Variants in NRCAM observed in about 807,000 individuals in gnomAD.
The protein encoded by NRCAM is neuronal cell adhesion molecule.
A neutral mutation model predicts 156.5 loss-of-function variants in NRCAM; 83 were observed. The ratio of observed to expected loss-of-function variants is 0.53; its 90% confidence interval spans 0.44 to 0.64. NRCAM has a LOEUF of 0.64. Ranked by LOEUF, NRCAM falls within the 30% of genes least tolerant of loss-of-function variation. NRCAM has a pLI of 0.00. For synonymous variants in NRCAM, 538 were observed against 563.9 expected (o/e 0.95, Z 0.65); for missense variants, 1,417 against 1,597.3 (o/e 0.89, Z 1.92).
At chr7:108,337,335 CTA>C (rs1213071788) in intron 2 of NRCAM, among the ~76,000 whole-genome samples, 1 of 151,934 alleles carries the variant, frequency 6.6e-6, no homozygotes, top group African/African-American at 2.4e-5. Flanking sequence ...TGTTTTCACT[CTA>C]TTAAATCTTG....
At chr7:108,231,868 C>T (rs778541541) in intron 7 of NRCAM, among the ~76,000 whole-genome samples, 14 of 152,052 alleles carry the variant, frequency 9.2e-5, no homozygotes, top group Admixed American at 2.6e-4. Context: ...GATTTTGGTA[C>T]TAACCATTGC....
intron 3 of NRCAM, among the ~76,000 whole-genome samples, chr7:108,274,971 C>T (rs1368609692): frequency 3.3e-5 from 5 of 152,058 alleles, no homozygotes; most frequent in African/African-American, 1.2e-4. Context: ...TTGTTGAAGG[C>T]CTTTTCTGTA....
intron 32 of NRCAM, chr7:108,159,236 A>G (rs1483101822): frequency 1.4e-6 from 1 of 693,020 alleles, no homozygotes; most frequent in African/African-American, 1.8e-5. Context: ...AAAGTGGGAG[A>G]CATTCCATCT....
intron 3 of NRCAM, among the ~76,000 whole-genome samples, chr7:108,278,092 T>C (rs1289037106): frequency 6.6e-6 from 1 of 152,242 alleles, no homozygotes; most frequent in Admixed American, 6.5e-5. Flanking sequence ...TATTGCTGCC[T>C]GATCCTTCCT....
At chr7:108,364,557 A>G (rs2099580092) in intron 2 of NRCAM, among the ~76,000 whole-genome samples, 2 of 152,188 alleles carry the variant, frequency 1.3e-5, no homozygotes, top group Admixed American at 1.3e-4. Context: ...CTGTCCATTC[A>G]TGTTCATAGT....
chr7:108,173,673 C>T (rs2059400933), intron 28 of NRCAM, among the ~76,000 whole-genome samples: 2 of 152,134 alleles, frequency 1.3e-5, no homozygotes, highest in South Asian at 4.2e-4. Context: ...CTTTTTTCCC[C>T]CTTATTTAAA....
chr7:108,296,125 G>A (rs1304643510), intron 3 of NRCAM, among the ~76,000 whole-genome samples: 8 of 152,200 alleles, frequency 5.3e-5, no homozygotes, highest in Non-Finnish European at 4.4e-5. Flanking sequence ...ACAGTCTTAA[G>A]AAGGATGGAG....
intron 1 of NRCAM, among the ~76,000 whole-genome samples, chr7:108,426,308 A>T (rs1412708455): frequency 6.6e-6 from 1 of 152,254 alleles, no homozygotes; most frequent in African/African-American, 2.4e-5. Flanking sequence ...GGACAATAAA[A>T]CATACCTTCT....
intron 28 of NRCAM, among the ~76,000 whole-genome samples, chr7:108,174,382 C>T (rs774312543): frequency 6.6e-6 from 1 of 152,180 alleles, no homozygotes; most frequent in Non-Finnish European, 1.5e-5. Context: ...TAACATAGGG[C>T]AAAGCACATT....
chr7:108,386,546 C>G (rs2099741426), intron 2 of NRCAM, among the ~76,000 whole-genome samples: 1 of 152,058 alleles, frequency 6.6e-6, no homozygotes, highest in South Asian at 2.1e-4. Flanking sequence ...TTACATTGGG[C>G]ACAAATAAGT....
At chr7:108,411,393 T>C (rs1183923307) in intron 1 of NRCAM, among the ~76,000 whole-genome samples, 3 of 152,066 alleles carry the variant, frequency 2.0e-5, no homozygotes, top group Non-Finnish European at 2.9e-5. Context: ...TATCATTAGG[T>C]TGGGATTTTT....
At chr7:108,230,460 C>G (rs2094172620) in intron 8 of NRCAM, among the ~76,000 whole-genome samples, 1 of 152,136 alleles carries the variant, frequency 6.6e-6, no homozygotes, top group Non-Finnish European at 1.5e-5. Context: ...TAAAGTCACT[C>G]CTTCAACATT....
chr7:108,358,549 A>T (rs191173326), intron 2 of NRCAM, among the ~76,000 whole-genome samples: 1 of 152,038 alleles, frequency 6.6e-6, no homozygotes, highest in Admixed American at 6.5e-5. Flanking sequence ...ATGTCAGGTG[A>T]TGTCTAATGC....
At chr7:108,168,434 A>AC in intron 28 of NRCAM, 32 bp from the exon 29 acceptor site, 1 of 1,562,760 alleles carries the variant, frequency 6.4e-7, no homozygotes, top group Non-Finnish European at 8.6e-7. Context: ...AAAACAAACA[A>AC]TCATATTGCA....
At chr7:108,311,772 A>G (rs2098806971) in intron 3 of NRCAM, among the ~76,000 whole-genome samples, 1 of 152,214 alleles carries the variant, frequency 6.6e-6, no homozygotes, top group South Asian at 2.1e-4. Flanking sequence ...GATCAGCCTA[A>G]GAATTCTCAG....
chr7:108,319,363 G>A (rs2098972632), intron 2 of NRCAM, among the ~76,000 whole-genome samples: 1 of 152,196 alleles, frequency 6.6e-6, no homozygotes, highest in Non-Finnish European at 1.5e-5. Context: ...TCTGGGCACT[G>A]AGGATGCAGT....
At chr7:108,154,321 G>T (rs1343167188) in intron 32 of NRCAM, among the ~76,000 whole-genome samples, 4 of 152,128 alleles carry the variant, frequency 2.6e-5, no homozygotes, top group Non-Finnish European at 5.9e-5. Flanking sequence ...ACTAGAATAA[G>T]TTTTAAAGTC....
intron 26 of NRCAM, 63 bp downstream of exon 26, chr7:108,177,927 C>T (rs2061570197): frequency 6.9e-7 from 1 of 1,453,298 alleles, no homozygotes; most frequent in South Asian, 1.3e-5. Context: ...AATTATTTGT[C>T]AATTAAAATA....
intron 7 of NRCAM, among the ~76,000 whole-genome samples, 192 bp downstream of exon 7, chr7:108,232,134 T>A (rs961413919): frequency 6.6e-6 from 1 of 152,076 alleles, no homozygotes; most frequent in African/African-American, 2.4e-5. Flanking sequence ...ATATATTGGA[T>A]TGGTAAAGCA....
Sources: allele counts gnomAD v4.1 joint callset (sites outside exome capture counted in the v4.1 genomes callset), GRCh38; gene constraint gnomAD v4.1.1; transcripts MANE v1.5; gene names NCBI Gene and HGNC (gene_info 2026-07-23, HGNC 2026-07-21).